Variants in VGLL4 observed in about 807,000 individuals in gnomAD.
The protein encoded by VGLL4 is vestigial like family member 4.
Under a neutral mutation model 21.0 loss-of-function variants are expected in VGLL4, and 7 were observed. The ratio of observed to expected loss-of-function variants is 0.33; its 90% CI spans 0.19 to 0.63. The LOEUF (loss-of-function observed/expected upper bound fraction) is 0.63. VGLL4 is among the 20% of genes least tolerant of loss of function. The pLI, the probability that VGLL4 is intolerant of heterozygous loss-of-function variation, is 0.78. For synonymous variants in VGLL4, 222 were observed against 173.2 expected (o/e 1.28, Z -2.21); for missense variants, 394 against 425.7 (o/e 0.93, Z 0.66).
At chr3:11,628,786 C>T (rs2075414091) in intron 1 of VGLL4, among the ~76,000 whole-genome samples, 1 of 152,224 alleles carries the variant, frequency 6.6e-6, no homozygotes, top group East Asian at 1.9e-4. Context: ...CACCACTTCA[C>T]TCCAGCCTGA....
chr3:11,712,570 T>TA (rs1164462473), intron 1 of VGLL4, among the ~76,000 whole-genome samples: 4 of 151,268 alleles, frequency 2.6e-5, no homozygotes, highest in Non-Finnish European at 4.4e-5. Context: ...TTCTACAGAT[T>TA]AAAAAAAAAG....
Position 11,564,966 on chromosome 3 carries a change from C to T in VGLL4, c.326G>A (p.Ser109Asn). The T allele has an allele frequency of 6.5e-7, 1 of 1,545,468 alleles. No homozygotes were observed. The highest frequency in any genetic ancestry group is 8.7e-7 in the Non-Finnish European group (1 of 1,146,464). ...CRRDPRERSR[S>N]PIERAVAPTM... ...GGGGGCCACAGCGCGCTCGATGGGG[C>T]TGCGGCTCCGCTCCCGGGGGTCTCT... Residue 109 changes from serine to asparagine, a missense_variant, in exon 3 of 5, where the codon AGC becomes AAC. Coordinates refer to ENST00000430365, the MANE Select transcript of VGLL4 (RefSeq NM_001128219.3).
chr3:11,593,561 A>T (rs1472770829), intron 2 of VGLL4, among the ~76,000 whole-genome samples: 1 of 150,354 alleles, frequency 6.7e-6, no homozygotes, highest in Non-Finnish European at 1.5e-5. Context: ...GTGAAGTGAC[A>T]GGGCCAGGAA....
intron 2 of VGLL4, among the ~76,000 whole-genome samples, chr3:11,575,786 AG>A (rs1217702473): frequency 6.6e-6 from 1 of 152,256 alleles, no homozygotes; most frequent in Non-Finnish European, 1.5e-5. Flanking sequence ...CAGAGCAAAC[AG>A]GTTCTGAGTG....
intron 1 of VGLL4, among the ~76,000 whole-genome samples, chr3:11,611,144 G>A (rs1381103471): frequency 6.6e-6 from 1 of 151,830 alleles, no homozygotes. Context: ...GAGGGGGAGG[G>A]GGCGGGAGGA....
rs1010951599 is a variant in VGLL4, at chr3:11,565,223, C to T, written c.273-204G>A. Reference sequence around the variant, plus strand: ...TGGGTGCCGGAGAAGCTGCTGCCAGCGGAGTCCAAAGTCAGCTCCATAGAA... The same window carrying T: ...TGGGTGCCGGAGAAGCTGCTGCCAGTGGAGTCCAAAGTCAGCTCCATAGAA... On this transcript the variant is annotated intron_variant, in intron 2 of 4. Coordinates refer to ENST00000430365, the MANE Select transcript of VGLL4 (RefSeq NM_001128219.3). This position sits in a 1 kb window ranked among gnomAD's most constrained non-coding sequence, Gnocchi z 4.1. Among the ~76,000 whole-genome samples the T allele has an allele frequency of 8.5e-5, 13 of 152,262 alleles. No homozygotes were observed. The highest frequency in any genetic ancestry group is 2.1e-4 in the South Asian group (1 of 4,826).
intron 2 of VGLL4, among the ~76,000 whole-genome samples, chr3:11,578,663 A>G (rs2074129298): frequency 6.6e-6 from 1 of 151,158 alleles, no homozygotes; most frequent in Admixed American, 6.6e-5. Flanking sequence ...ATTATTATAC[A>G]CCCATTGAAA....
At chr3:11,678,084 C>G (rs2076319755) in intron 2 of VGLL4, among the ~76,000 whole-genome samples, 1 of 151,894 alleles carries the variant, frequency 6.6e-6, no homozygotes, top group Admixed American at 6.6e-5. Context: ...AATAGAGTCT[C>G]ACTCTGTCGC....
intron 2 of VGLL4, among the ~76,000 whole-genome samples, chr3:11,691,154 G>GGTT (rs750796515): frequency 6.0e-5 from 9 of 151,208 alleles, no homozygotes; most frequent in East Asian, 1.9e-4. Context: ...AGCTGAAACA[G>GGTT]GTTGTTGTTG....
chr3:11,655,813 T>A (rs1049969067), intron 2 of VGLL4, among the ~76,000 whole-genome samples: 1 of 152,170 alleles, frequency 6.6e-6, no homozygotes, highest in African/African-American at 2.4e-5. Flanking sequence ...CAGGCAGGTG[T>A]CATTTCAGGC....
intron 2 of VGLL4, among the ~76,000 whole-genome samples, chr3:11,698,791 T>C (rs2076640151): frequency 6.6e-6 from 1 of 152,260 alleles, no homozygotes; most frequent in Non-Finnish European, 1.5e-5. Flanking sequence ...AGTGTACTAT[T>C]GAAATATTTC....
chr3:11,646,983 A>C (rs1160041914), upstream of VGLL4, among the ~76,000 whole-genome samples: 1 of 152,216 alleles, frequency 6.6e-6, no homozygotes, highest in African/African-American at 2.4e-5. Flanking sequence ...CTCAAATCTT[A>C]ATATTAAAGA....
intron 2 of VGLL4, among the ~76,000 whole-genome samples, chr3:11,570,324 C>T (rs1473587291): frequency 6.6e-6 from 1 of 152,142 alleles, no homozygotes; most frequent in Non-Finnish European, 1.5e-5. Context: ...ACCCACCTTC[C>T]TGCCCCAACT....
At chr3:11,620,759 T>C (rs900653436) in intron 1 of VGLL4, among the ~76,000 whole-genome samples, 1 of 152,042 alleles carries the variant, frequency 6.6e-6, no homozygotes, top group African/African-American at 2.4e-5. Context: ...TGGAATTCCA[T>C]CCCCTCCTTC....
chr3:11,637,618 C>A (rs542617805), intron 1 of VGLL4, among the ~76,000 whole-genome samples: 1 of 152,200 alleles, frequency 6.6e-6, no homozygotes, highest in East Asian at 1.9e-4. Flanking sequence ...ATACATAATA[C>A]CTTGAAATTA....
intron 1 of VGLL4, among the ~76,000 whole-genome samples, chr3:11,632,905 C>T (rs2075512063): frequency 1.3e-5 from 2 of 152,282 alleles, no homozygotes; most frequent in South Asian, 2.1e-4. Flanking sequence ...GTGATCAGTT[C>T]GTTTAGCAGA....
intron 2 of VGLL4, among the ~76,000 whole-genome samples, chr3:11,589,675 T>G (rs986175291): frequency 6.6e-6 from 1 of 152,244 alleles, no homozygotes; most frequent in Admixed American, 6.5e-5. Flanking sequence ...GTTTGTTTTC[T>G]CACAGTCCTG....
intron 1 of VGLL4, among the ~76,000 whole-genome samples, chr3:11,611,153 G>A (rs2075053902): frequency 6.6e-6 from 1 of 151,700 alleles, no homozygotes; most frequent in South Asian, 2.1e-4. Context: ...GGGGCGGGAG[G>A]AAGGGGAGCT....
chr3:11,708,850 G>A (rs184040724), intron 1 of VGLL4, among the ~76,000 whole-genome samples: 1 of 151,172 alleles, frequency 6.6e-6, no homozygotes, highest in African/African-American at 2.4e-5. Context: ...TCACTTGAGG[G>A]TGGGGGTTCG....
Sources: gnomAD v4.1 joint callset for allele counts (sites outside exome capture counted in the v4.1 genomes callset) on GRCh38, gnomAD v4.1.1 for gene constraint, Gnocchi (gnomAD v3.1) non-coding constraint, MANE v1.5 for transcripts, NCBI Gene and HGNC (gene_info 2026-07-23, HGNC 2026-07-21) for gene names.